The following CHL1 variants were observed in gnomAD, a reference collection of about 807,000 sequenced individuals.
CHL1 encodes the protein cell adhesion molecule L1 like.
A neutral mutation model predicts 141.9 loss-of-function variants in CHL1; 96 were observed. The observed-to-expected ratio is 0.68, with a 90% CI of 0.57 to 0.80. The LOEUF (loss-of-function observed/expected upper bound fraction) is 0.80, where lower values mean the gene tolerates loss of function less well. CHL1 is among the 30% of genes least tolerant of loss of function. CHL1 has a pLI of 0.00. For missense variants in CHL1, 1,820 were observed against 1,457.2 expected (o/e 1.25, Z -4.05); for synonymous variants, 613 against 502.2 (o/e 1.22, Z -2.95).
chr3:296,972 A>G (rs1484118270), intron 2 of CHL1, among the ~76,000 whole-genome samples: 1 of 152,150 alleles, frequency 6.6e-6, no homozygotes, highest in Non-Finnish European at 1.5e-5. Context: ...AAGAGTGGGG[A>G]CATCCTGAGT....
At chr3:382,094 CTCCGGG>C in intron 16 of CHL1, 79 bp from the exon 17 acceptor site, 1 of 1,171,184 alleles carries the variant, frequency 8.5e-7, no homozygotes, top group Non-Finnish European at 1.2e-6. Context: ...CCTCCTCTGT[CTCCGGG>C]TAGCTGGCAA....
intron 1 of CHL1, among the ~76,000 whole-genome samples, chr3:239,783 G>A (rs1164905018): frequency 6.6e-6 from 1 of 151,406 alleles, no homozygotes; most frequent in East Asian, 1.9e-4. Context: ...AGTCCCCAAA[G>A]TCATTCTTAT....
intron 19 of CHL1, chr3:385,601 G>A (rs146720468): frequency 0.058 from 8,814 of 152,330 alleles, 337 homozygotes; most frequent in Non-Finnish European, 0.085. Flanking sequence ...AGGCCAAGGC[G>A]GGCAGATCAC....
intron 1 of CHL1, among the ~76,000 whole-genome samples, chr3:219,997 A>G (rs1278167008): frequency 3.3e-5 from 5 of 152,236 alleles, no homozygotes; most frequent in Non-Finnish European, 7.3e-5. Context: ...AGTATCTAAA[A>G]GGGATGGACT....
At chr3:300,038 A>G (rs1253571395) in intron 2 of CHL1, among the ~76,000 whole-genome samples, 4 of 152,184 alleles carry the variant, frequency 2.6e-5, no homozygotes, top group African/African-American at 4.8e-5. Context: ...TTGCTTACCA[A>G]TTGATGGAAA....
intron 1 of CHL1, among the ~76,000 whole-genome samples, chr3:205,832 C>T (rs933291234): frequency 1.7e-4 from 26 of 152,216 alleles, no homozygotes; most frequent in Non-Finnish European, 2.5e-4. Context: ...GCAATCTCCA[C>T]ATCAGTGATT....
chr3:354,701 C>G lies in CHL1; in HGVS notation c.1095C>G (p.Ile365Met), dbSNP rs758482756. The change falls in exon 11 of 28, where the codon ATC (isoleucine) becomes ATG (methionine). Residue 365 changes from isoleucine to methionine, a missense_variant. Ile to Met is a conservative substitution (Grantham distance 10). Transcript: ENST00000256509. Reference protein sequence around the residue: ...SAVYSTGSNGILLCEAEGEPQ... With the variant: ...SAVYSTGSNGMLLCEAEGEPQ... Reference sequence around the variant, plus strand: ...TGTATAGCACCGGAAGCAATGGCATCTTGTTATGTGAGGCTGAAGGAGAAC... The same window carrying G: ...TGTATAGCACCGGAAGCAATGGCATGTTGTTATGTGAGGCTGAAGGAGAAC... 3 of 1,614,030 alleles carry G rather than the reference C, an allele frequency of 1.9e-6. No individual in the cohort carries two copies. In the Admixed American group the frequency reaches 5.0e-5, roughly 27 times the overall value.
intron 26 of CHL1, 104 bp from the exon 27 acceptor site, chr3:401,522 T>C: frequency 1.5e-6 from 1 of 645,666 alleles, no homozygotes; most frequent in Non-Finnish European, 2.7e-6. Context: ...TCAAAACATT[T>C]GAGCAATGCT....
intron 2 of CHL1, among the ~76,000 whole-genome samples, chr3:249,661 A>G (rs1375841692): frequency 2.0e-5 from 3 of 152,172 alleles, no homozygotes; most frequent in Non-Finnish European, 4.4e-5. Context: ...GCATACATTA[A>G]GATTCTCTTC....
chr3:389,151 A>T lies in CHL1; in HGVS notation c.2248-101A>T, dbSNP rs1708021333. On this transcript the variant is annotated intron_variant, in intron 19 of 27. Coordinates refer to ENST00000256509, the MANE Select transcript of CHL1 (RefSeq NM_006614.4). ...ATTTAAGATCTCTCAACAAATGACC[A>T]TTTCATTACATTGTTCCTTATTCCA... 3.3e-6 allele frequency: 3 copies of T among 907,580 alleles called. No homozygotes were observed. The Admixed American group carries it at 7.4e-5, about 22-fold the overall frequency. 56.2% of individuals were successfully genotyped at this position (907,580 alleles called of 1,614,324 possible).
At chr3:365,352 C>A (rs992680895) in intron 14 of CHL1, among the ~76,000 whole-genome samples, 2 of 152,126 alleles carry the variant, frequency 1.3e-5, no homozygotes, top group Non-Finnish European at 2.9e-5. Flanking sequence ...ACTATCACTC[C>A]CTGTAATTCA....
intron 13 of CHL1, 70 bp from the exon 14 acceptor site, chr3:363,147 C>G: frequency 1.5e-6 from 2 of 1,309,428 alleles, no homozygotes; most frequent in Non-Finnish European, 2.1e-6. Context: ...AATGACGTCA[C>G]TGACTAGTAT....
chr3:357,509 T>A (rs571626685), intron 11 of CHL1, among the ~76,000 whole-genome samples: 1 of 152,326 alleles, frequency 6.6e-6, no homozygotes, highest in South Asian at 2.1e-4. Context: ...TACTGGAGAA[T>A]GCAACCCAGG....
rs192010957 is a variant in CHL1 at position 362,512 on chromosome 3, T to C, written c.1418+702T>C. On this transcript the variant is annotated intron_variant, in intron 13 of 27. Coordinates refer to ENST00000256509, the MANE Select transcript of CHL1 (RefSeq NM_006614.4). ...TTGAAATATTATTTACCTTGCTTAC[T>C]GAGATGTTTGGCACCCTGTTAAATT... is the stretch of plus-strand genomic sequence containing the variant. 4.7e-3 allele frequency among the ~76,000 whole-genome samples: 713 copies of C among 152,280 alleles called. 6 individuals carry two copies. Among genetic ancestry groups the C allele is most frequent in the African/African-American group, 0.017 (689 of 41,570 alleles).
chr3:202,843 CA>C (rs1238399503), intron 1 of CHL1, among the ~76,000 whole-genome samples: 1 of 152,170 alleles, frequency 6.6e-6, no homozygotes, highest in Non-Finnish European at 1.5e-5. Flanking sequence ...TTTCGTTTTT[CA>C]ACCAAATGTC....
At chr3:270,120 A>G (rs1695506406) in intron 2 of CHL1, among the ~76,000 whole-genome samples, 1 of 152,204 alleles carries the variant, frequency 6.6e-6, no homozygotes, top group Admixed American at 6.5e-5. Flanking sequence ...AGTTCTGGCC[A>G]GAAATGGGGG....
chr3:267,694 C>T (rs1160962351), intron 2 of CHL1, among the ~76,000 whole-genome samples: 1 of 152,118 alleles, frequency 6.6e-6, no homozygotes, highest in Admixed American at 6.6e-5. Context: ...AGGCTAGGTT[C>T]TCATTGATGC....
intron 15 of CHL1, 136 bp from the exon 16 acceptor site, chr3:377,682 A>G (rs556768038): frequency 4.3e-6 from 3 of 698,864 alleles, no homozygotes; most frequent in African/African-American, 1.8e-5. Flanking sequence ...GCATTCTCTA[A>G]TCAAATTTGC....
chr3:239,544 T>C (rs1359599979), intron 1 of CHL1, among the ~76,000 whole-genome samples: 4 of 151,598 alleles, frequency 2.6e-5, no homozygotes, highest in Non-Finnish European at 4.4e-5. Context: ...TTAATTGATA[T>C]GTGTAGCTTT....
Sources: gnomAD v4.1 joint callset for allele counts (sites outside exome capture counted in the v4.1 genomes callset) on GRCh38, gnomAD v4.1.1 for gene constraint, MANE v1.5 for transcripts, NCBI Gene and HGNC (gene_info 2026-07-23, HGNC 2026-07-21) for gene names.